Variants in KRT8 observed in about 807,000 individuals in gnomAD.
KRT8 encodes keratin, type II cytoskeletal 8.
In KRT8, 24 loss-of-function variants were observed where a neutral mutation model predicts 43.0. The ratio of observed to expected loss-of-function variants is 0.56; its 90% confidence interval spans 0.40 to 0.78. KRT8 has a LOEUF of 0.78. Among genes scored for constraint, KRT8 ranks in the 30% least tolerant of loss-of-function variants. The pLI, the probability that KRT8 is intolerant of heterozygous loss-of-function variation, is 0.00. For missense variants in KRT8, 492 were observed against 638.4 expected, an observed-to-expected ratio of 0.77 and a Z score of 2.47; for synonymous variants, 214 against 261.2, an observed-to-expected ratio of 0.82 and a Z score of 1.74.
At chr12:52,948,494 CTTT>C (rs375720808) in intron 2 of KRT8, 2 of 110,988 alleles carry the variant, frequency 1.8e-5, no homozygotes, top group South Asian at 3.5e-4. Flanking sequence ...TTTCTTTTTT[CTTT>C]TTTTTTTTTT....
chr12:52,922,815 T>A (rs1207917061), intron 2 of KRT8, among the ~76,000 whole-genome samples: 1 of 152,216 alleles, frequency 6.6e-6, no homozygotes, highest in East Asian at 1.9e-4. Flanking sequence ...ACCCAGCTCT[T>A]CTGGCTCCAA....
exon 8 of KRT8, chr12:52,897,484 T>C (rs758558527): frequency 1.4e-5 from 22 of 1,599,194 alleles, no homozygotes; most frequent in Non-Finnish European, 1.9e-5. Flanking sequence ...CGTGTCTCGA[T>C]CTTCTTCACA....
At chr12:52,905,168 CGTCACCTGCCA>C, upstream of KRT8, 1 of 1,100,056 alleles carries the variant, frequency 9.1e-7, no homozygotes, top group Non-Finnish European at 1.3e-6. Flanking sequence ...GGGCCTAACC[CGTCACCTGCCA>C]CCTCCGGGCA....
At chr12:52,901,136 T>A in intron 3 of KRT8, 23 bp downstream of exon 3, 4 of 1,558,506 alleles carry the variant, frequency 2.6e-6, no homozygotes, top group Non-Finnish European at 3.5e-6. Context: ...AGTGTCCAGA[T>A]AGGAGAAGGG....
rs984863134 is a variant in KRT8, at chr12:52,898,117, A to T, written c.1261+344T>A. Among the ~76,000 whole-genome samples, 14 of 152,362 alleles carry T rather than the reference A, an allele frequency of 9.2e-5. 1 individual carries two copies. The highest frequency in any genetic ancestry group is 1.4e-4 in the African/African-American group (6 of 41,582). On this transcript the variant is annotated intron_variant, in intron 7 of 7. Coordinates refer to ENST00000692008, the Ensembl canonical transcript of KRT8. ...GAGGTGGAGGTTACAGTGAGCTGAG[A>T]TCACGCCACTGCACTCCAGCTTGGG...
intron 2 of KRT8, among the ~76,000 whole-genome samples, chr12:52,918,871 T>C (rs936207812): frequency 3.3e-5 from 5 of 152,078 alleles, no homozygotes; most frequent in Non-Finnish European, 2.9e-5. Flanking sequence ...TTTGATACAT[T>C]TGCCTTGTGA....
chr12:52,942,094 G>A (rs190577758), intron 2 of KRT8, among the ~76,000 whole-genome samples: 142 of 152,136 alleles, frequency 9.3e-4, no homozygotes, highest in African/African-American at 2.7e-3. Context: ...TTATTGTCTA[G>A]TTGTATTTAT....
chr12:52,938,950 T>C (rs1346882321), intron 2 of KRT8, among the ~76,000 whole-genome samples: 1 of 151,954 alleles, frequency 6.6e-6, no homozygotes, highest in Non-Finnish European at 1.5e-5. Flanking sequence ...CCAGGTTTAG[T>C]GGTATGGGCC....
intron 2 of KRT8, among the ~76,000 whole-genome samples, chr12:52,925,217 C>A (rs114235726): frequency 6.6e-6 from 1 of 152,156 alleles, no homozygotes; most frequent in Non-Finnish European, 1.5e-5. Context: ...AAGGTCAGGA[C>A]CGGGAGGAAT....
In KRT8 at chr12:52,900,078, A is replaced by C. The variant is rs757608616; in HGVS notation, c.691-13T>G. 6.2e-7 allele frequency: 1 copy of C among 1,612,004 alleles called. No homozygotes were observed. Among genetic ancestry groups the C allele is most frequent in the South Asian group, 1.1e-5 (1 of 91,014 alleles). ...GCTCCCGGATCTCCTGTGGGGGAAG[A>C]GGGCAAGTGGTGAGGCCCTGTCTCT... On this transcript the variant is annotated splice_polypyrimidine_tract_variant and intron_variant, in intron 4 of 7. Transcript: ENST00000692008.
intron 5 of KRT8, 76 bp from the exon 6 acceptor site, chr12:52,898,975 G>A (rs1941292782): frequency 8.3e-6 from 11 of 1,330,946 alleles, no homozygotes; most frequent in Non-Finnish European, 3.2e-6. Context: ...CCTCCCTCAG[G>A]GTCCTCCCCA....
chr12:52,931,496 A>G (rs1942082952), intron 2 of KRT8, among the ~76,000 whole-genome samples: 2 of 152,138 alleles, frequency 1.3e-5, no homozygotes, highest in African/African-American at 4.8e-5. Context: ...GGGCACCTGC[A>G]TTCATGACAT....
At chr12:52,934,089 C>T (rs1359272497) in intron 2 of KRT8, among the ~76,000 whole-genome samples, 3 of 151,182 alleles carry the variant, frequency 2.0e-5, no homozygotes, top group Non-Finnish European at 4.4e-5. Flanking sequence ...ATTAGCCGGG[C>T]ATGGTGGCAT....
chr12:52,948,785 C>T (rs1396395164), intron 2 of KRT8: 2 of 408,128 alleles, frequency 4.9e-6, no homozygotes, highest in African/African-American at 2.1e-5. Flanking sequence ...CCACTGCGCC[C>T]GGTCAAGACT....
At chr12:52,899,933 G>A (rs199422324) in exon 5 of KRT8, 26 of 1,613,090 alleles carry the variant, frequency 1.6e-5, no homozygotes, top group South Asian at 5.5e-5. Context: ...GCCTCAGCCC[G>A]GCTGCGGTTG....
rs1337117837 is a variant in KRT8, at chr12:52,916,903, G to A, written c.-46-11876C>T. The stretch of plus-strand genomic sequence containing the variant: ...GCACCATATTCCAGTGAGACATAGC[G>A]CAGGAGCTGGGAGTGCCAGCCCTGG... On this transcript the variant is annotated intron_variant, in intron 2 of 6. Transcript: ENST00000546826. Among the ~76,000 whole-genome samples the A allele has an allele frequency of 1.3e-4, 20 of 152,164 alleles. No individual in the cohort carries two copies. The East Asian group carries it at 1.3e-3, about 10-fold the overall frequency.
At chr12:52,933,023 A>T (rs1389317210) in intron 2 of KRT8, among the ~76,000 whole-genome samples, 2 of 152,172 alleles carry the variant, frequency 1.3e-5, no homozygotes, top group Non-Finnish European at 2.9e-5. Flanking sequence ...AGCTCACCGC[A>T]ACCTCTGCCT....
chr12:52,948,901 C>G (rs1160239778), intron 2 of KRT8: 4 of 434,266 alleles, frequency 9.2e-6, no homozygotes, highest in Non-Finnish European at 1.6e-5. Flanking sequence ...CACCTGCTGT[C>G]CGTGTCCATG....
At chr12:52,924,440 C>G (rs2120673725) in intron 2 of KRT8, among the ~76,000 whole-genome samples, 1 of 140,650 alleles carries the variant, frequency 7.1e-6, no homozygotes, top group East Asian at 2.0e-4. Context: ...CAGAGGGAGA[C>G]TCCGTCTCAA....
Sources: allele counts gnomAD v4.1 joint callset (sites outside exome capture counted in the v4.1 genomes callset), GRCh38; gene constraint gnomAD v4.1.1; transcripts MANE v1.5; gene names NCBI Gene and HGNC (gene_info 2026-07-23, HGNC 2026-07-21).